Variants in STIP1 observed in about 807,000 individuals in gnomAD.
The protein encoded by STIP1 is stress induced phosphoprotein 1.
Under a neutral mutation model 77.4 loss-of-function variants are expected in STIP1, and 16 were observed. The ratio of observed to expected loss-of-function variants is 0.21; its 90% CI spans 0.14 to 0.31. The LOEUF (loss-of-function observed/expected upper bound fraction) is 0.31. STIP1 is among the 10% of genes least tolerant of loss of function. The pLI is 1.00. For missense variants in STIP1, 524 were observed against 684.8 expected, an observed-to-expected ratio of 0.77 and a Z score of 2.62; for synonymous variants, 258 against 246.6, an observed-to-expected ratio of 1.05 and a Z score of -0.44.
chr11:64,191,250 C>T (rs1465785105), intron 1 of STIP1, among the ~76,000 whole-genome samples: 1 of 150,350 alleles, frequency 6.7e-6, no homozygotes, highest in Non-Finnish European at 1.5e-5. Flanking sequence ...CTCAAGGTTA[C>T]AGTCAGCTGT....
intron 10 of STIP1, 63 bp downstream of exon 10, chr11:64,200,356 C>G: frequency 1.9e-6 from 3 of 1,549,234 alleles, no homozygotes; most frequent in Non-Finnish European, 1.7e-6. Flanking sequence ...GGTTTTCTCT[C>G]TCTCTCCTCA....
chr11:64,197,182 TTGC>T, intron 5 of STIP1, 86 bp from the exon 6 acceptor site: 1 of 1,551,220 alleles, frequency 6.4e-7, no homozygotes, highest in Non-Finnish European at 8.8e-7. Flanking sequence ...TTCATGTTAG[TTGC>T]ATTTCAGAAC....
Position 64,204,449 on chromosome 11 carries a change from G to T in STIP1, c.*323G>T. On this transcript the variant is annotated 3_prime_UTR_variant, in exon 14 of 14. Coordinates refer to ENST00000305218, the MANE Select transcript of STIP1 (RefSeq NM_006819.3). ...GGGCAGTGGGCATGTTATGGGGAGGGGAGGGGGTTCTTCCAGCCTCAGGTC... is the reference window on the plus strand; with the variant it reads ...GGGCAGTGGGCATGTTATGGGGAGGTGAGGGGGTTCTTCCAGCCTCAGGTC... 1 of 360,172 alleles carries T rather than the reference G, an allele frequency of 2.8e-6. No individual in the cohort carries two copies. The highest frequency in any genetic ancestry group is 5.0e-6 in the Non-Finnish European group (1 of 199,206). The allele number at this position is 360,172 out of a possible 1,614,324, so 22.3% of individuals were successfully genotyped here. A position where few individuals can be genotyped will look rare whatever the true frequency, so the allele number is the denominator to read the frequency against.
intron 10 of STIP1, 53 bp downstream of exon 10, chr11:64,200,346 G>C: frequency 6.4e-7 from 1 of 1,557,856 alleles, no homozygotes; most frequent in Non-Finnish European, 8.7e-7. Context: ...ATGAGGAGTG[G>C]GTTTTCTCTC....
At chr11:64,196,662 T>C (rs1033694593) in intron 5 of STIP1, among the ~76,000 whole-genome samples, 3 of 152,198 alleles carry the variant, frequency 2.0e-5, no homozygotes, top group Admixed American at 2.0e-4. Flanking sequence ...AGCACTCTTT[T>C]AGAGCAGAAG....
chr11:64,190,541 C>T (rs1433602178), intron 1 of STIP1, among the ~76,000 whole-genome samples: 7 of 152,172 alleles, frequency 4.6e-5, no homozygotes, highest in African/African-American at 1.7e-4. Context: ...TCTCGAACTC[C>T]TGACCTCAGT....
intron 10 of STIP1, chr11:64,202,550 G>A (rs1946230643): frequency 3.1e-6 from 1 of 319,168 alleles, no homozygotes; most frequent in East Asian, 7.4e-5. Flanking sequence ...ACCCAGCGTT[G>A]TTTTGTTTTT....
intron 13 of STIP1, chr11:64,203,826 CATT>C: frequency 1.3e-6 from 1 of 781,910 alleles, no homozygotes. Flanking sequence ...TGGAAAGGCC[CATT>C]TAGCTGGGAG....
At chr11:64,187,940 T>A (rs1002863695) in intron 1 of STIP1, among the ~76,000 whole-genome samples, 1 of 151,606 alleles carries the variant, frequency 6.6e-6, no homozygotes, top group Non-Finnish European at 1.5e-5. Flanking sequence ...TGGGGGCAGC[T>A]TGCAGTGAGC....
upstream of STIP1, chr11:64,185,999 T>C: frequency 1.9e-6 from 3 of 1,542,662 alleles, no homozygotes; most frequent in Non-Finnish European, 2.6e-6. Context: ...GAGCGCCCAA[T>C]CCTGAGGTGC....
chr11:64,203,016 T>G, intron 11 of STIP1, 104 bp downstream of exon 11: 6 of 1,594,710 alleles, frequency 3.8e-6, no homozygotes, highest in Non-Finnish European at 5.2e-6. Context: ...CTGTAGGATT[T>G]AGGATCCAAC....
intron 4 of STIP1, among the ~76,000 whole-genome samples, 169 bp downstream of exon 4, chr11:64,194,789 A>G (rs539521182): frequency 6.6e-6 from 1 of 152,302 alleles, no homozygotes; most frequent in Non-Finnish European, 1.5e-5. Flanking sequence ...AGAAAGGGTC[A>G]GGGGAGCATA....
intron 10 of STIP1, among the ~76,000 whole-genome samples, chr11:64,201,801 G>C (rs1015108960): frequency 6.6e-6 from 1 of 152,330 alleles, no homozygotes; most frequent in African/African-American, 2.4e-5. Flanking sequence ...TCATGAGAGC[G>C]TGGAGAAAGA....
At chr11:64,198,306 A>C (rs1180415090) in intron 8 of STIP1, among the ~76,000 whole-genome samples, 2 of 151,830 alleles carry the variant, frequency 1.3e-5, no homozygotes, top group Non-Finnish European at 2.9e-5. Flanking sequence ...TCCGCCTCCC[A>C]GGTTCAAGCA....
rs1358523838 is a variant in STIP1 at position 64,199,936 on chromosome 11, G to A, written c.1024-4G>A. 1.2e-6 allele frequency: 2 copies of A among 1,613,886 alleles called. No individual in the cohort carries two copies. Among genetic ancestry groups the A allele is most frequent in the Non-Finnish European group, 1.7e-6 (2 of 1,179,972 alleles). ...ATTATTATTTCAAGAATTATGTTTTGTAGGCAGAGAAAATCCTGAAGGAGC... is the reference window on the plus strand; with the variant it reads ...ATTATTATTTCAAGAATTATGTTTTATAGGCAGAGAAAATCCTGAAGGAGC... On this transcript the variant is annotated splice_polypyrimidine_tract_variant and splice_region_variant and intron_variant, in intron 8 of 13. Transcript: ENST00000305218.
At chr11:64,195,907 GATT>G (rs1306926122) in intron 5 of STIP1, 94 bp downstream of exon 5, 17 of 1,540,506 alleles carry the variant, frequency 1.1e-5, no homozygotes, top group African/African-American at 1.4e-5. Context: ...GATTGACCAT[GATT>G]ATTATGGTTT....
At chr11:64,203,693 G>T (rs751632966) in intron 13 of STIP1, 71 bp downstream of exon 13, 21 of 1,583,636 alleles carry the variant, frequency 1.3e-5, no homozygotes, top group South Asian at 2.2e-5. Flanking sequence ...GCACGCGGCT[G>T]GGGGGTGGTA....
At position 64,186,208 on chromosome 11, in the gene STIP1, G is replaced by T; in HGVS notation, c.-54G>T. Reference sequence around the variant, plus strand: ...GTTCCAGAAGGCGGCGCGTGCGGTTGGGAACGCGGAGCGGACGGATTCGAT... The same window carrying T: ...GTTCCAGAAGGCGGCGCGTGCGGTTTGGAACGCGGAGCGGACGGATTCGAT... On this transcript the variant is annotated 5_prime_UTR_variant, in exon 1 of 14. Coordinates refer to ENST00000305218, the MANE Select transcript of STIP1 (RefSeq NM_006819.3). The T allele has an allele frequency of 6.4e-7, 1 of 1,550,916 alleles. No homozygotes were observed. The highest frequency in any genetic ancestry group is 8.7e-7 in the Non-Finnish European group (1 of 1,146,978).
intron 4 of STIP1, 105 bp from the exon 5 acceptor site, chr11:64,195,540 G>A (rs1414912978): frequency 9.3e-6 from 11 of 1,178,318 alleles, no homozygotes; most frequent in Non-Finnish European, 1.1e-5. Flanking sequence ...TGGGTGAGGA[G>A]CTTCTAAACA....
Sources: allele counts gnomAD v4.1 joint callset (sites outside exome capture counted in the v4.1 genomes callset), GRCh38; gene constraint gnomAD v4.1.1; transcripts MANE v1.5; gene names NCBI Gene and HGNC (gene_info 2026-07-23, HGNC 2026-07-21).